The following HOMER2 variants were observed in gnomAD, a reference collection of about 807,000 sequenced individuals.
The protein encoded by HOMER2 is homer scaffold protein 2.
In HOMER2, 27 loss-of-function variants were observed where a neutral mutation model predicts 47.0. The observed-to-expected ratio is 0.57, with a 90% confidence interval of 0.42 to 0.79. The LOEUF (loss-of-function observed/expected upper bound fraction) is 0.79. Ranked by LOEUF, HOMER2 falls within the 30% of genes least tolerant of loss-of-function variation. HOMER2 has a pLI of 0.00. For missense variants in HOMER2, 443 were observed against 435.0 expected, an observed-to-expected ratio of 1.02 and a Z score of -0.16; for synonymous variants, 161 against 163.8, an observed-to-expected ratio of 0.98 and a Z score of 0.13.
rs372698417 is a variant in HOMER2 at position 82,854,811 on chromosome 15, G to A, written c.495-11C>T. ...TTCACGTTGGCTGCGCTGCAGGACA[G>A]GGACGGGCGGTGACGACGGGGTGGG... On this transcript the variant is annotated splice_polypyrimidine_tract_variant and intron_variant, in intron 5 of 8. Transcript: ENST00000450735. 5 of 1,603,888 alleles carry A rather than the reference G, an allele frequency of 3.1e-6. No individual in the cohort carries two copies. The highest frequency in any genetic ancestry group is 4.2e-6 in the Non-Finnish European group (5 of 1,177,660).
chr15:82,868,177 T>G (rs1299725866), intron 3 of HOMER2, among the ~76,000 whole-genome samples: 1 of 150,652 alleles, frequency 6.6e-6, no homozygotes, highest in East Asian at 1.9e-4. Flanking sequence ...TTTTTAATGG[T>G]TTTTTTATTG....
chr15:82,872,847 G>A (rs140429379), intron 3 of HOMER2, among the ~76,000 whole-genome samples: 2,579 of 152,342 alleles, frequency 0.017, 40 homozygotes, highest in Non-Finnish European at 0.026. Flanking sequence ...TGCATGAGGA[G>A]GAACCGGGAA....
chr15:82,904,694 A>G (rs908494441), intron 1 of HOMER2, among the ~76,000 whole-genome samples: 33 of 152,272 alleles, frequency 2.2e-4, no homozygotes, highest in Admixed American at 7.2e-4. Context: ...GAGAGAAAAT[A>G]ATTGAGAAGC....
chr15:82,938,515 C>A (rs2097023779), intron 1 of HOMER2, among the ~76,000 whole-genome samples: 1 of 152,150 alleles, frequency 6.6e-6, no homozygotes, highest in South Asian at 2.1e-4. Flanking sequence ...TTGCCGCCTG[C>A]CTCCAACCTT....
At chr15:82,869,552 C>G (rs1256438) in intron 3 of HOMER2, among the ~76,000 whole-genome samples, 77,534 of 148,440 alleles carry the variant, frequency 0.52, 20,618 homozygotes, top group African/African-American at 0.63. Context: ...CTGCCTCCCG[C>G]GTTCAAGTGA....
intron 1 of HOMER2, among the ~76,000 whole-genome samples, chr15:82,976,666 G>C (rs2030213137): frequency 7.4e-6 from 1 of 134,476 alleles, no homozygotes; most frequent in African/African-American, 2.8e-5. Context: ...TAGATCTTAA[G>C]ATTTGTGTGT....
At chr15:82,875,917 T>G (rs547662485) in intron 2 of HOMER2, among the ~76,000 whole-genome samples, 1 of 152,084 alleles carries the variant, frequency 6.6e-6, no homozygotes, top group African/African-American at 2.4e-5. Flanking sequence ...TTGTGGAGGG[T>G]TAATTGACAA....
At chr15:82,915,238 A>G (rs1389306269) in intron 1 of HOMER2, among the ~76,000 whole-genome samples, 1 of 152,090 alleles carries the variant, frequency 6.6e-6, no homozygotes, top group African/African-American at 2.4e-5. Context: ...AACTCTATAC[A>G]TGTAACATGG....
At chr15:82,931,082 G>A (rs1423318491) in intron 1 of HOMER2, among the ~76,000 whole-genome samples, 1 of 148,710 alleles carries the variant, frequency 6.7e-6, no homozygotes, top group African/African-American at 2.5e-5. Context: ...TAGCCTGGAC[G>A]ACAGAACAAG....
At chr15:82,918,371 C>A (rs1277343427) in intron 1 of HOMER2, among the ~76,000 whole-genome samples, 2 of 152,088 alleles carry the variant, frequency 1.3e-5, no homozygotes, top group Non-Finnish European at 2.9e-5. Context: ...AGATGCTATT[C>A]TCAGGACAGT....
At chr15:82,873,999 A>AT (rs1190635693) in intron 3 of HOMER2, among the ~76,000 whole-genome samples, 1 of 152,204 alleles carries the variant, frequency 6.6e-6, no homozygotes, top group Non-Finnish European at 1.5e-5. Context: ...ACTCACCCTA[A>AT]TTTCCCCCTC....
chr15:82,961,512 A>G (rs1165501374), intron 1 of HOMER2, among the ~76,000 whole-genome samples: 1 of 152,200 alleles, frequency 6.6e-6, no homozygotes, highest in Non-Finnish European at 1.5e-5. Flanking sequence ...TGTTCAATCT[A>G]CTTTACTCAA....
intron 6 of HOMER2, among the ~76,000 whole-genome samples, chr15:82,854,083 G>C (rs1264734502): frequency 2.0e-5 from 3 of 152,164 alleles, no homozygotes; most frequent in Admixed American, 6.5e-5. Flanking sequence ...TCCTCAGTAA[G>C]AGGAATTATA....
intron 1 of HOMER2, among the ~76,000 whole-genome samples, chr15:82,963,038 G>A (rs1169012931): frequency 6.6e-6 from 1 of 152,138 alleles, no homozygotes; most frequent in African/African-American, 2.4e-5. Flanking sequence ...CTAGCACTTT[G>A]GGAGGCTGAG....
intron 1 of HOMER2, among the ~76,000 whole-genome samples, chr15:82,924,120 G>C (rs996036327): frequency 6.6e-6 from 1 of 152,174 alleles, no homozygotes; most frequent in Non-Finnish European, 1.5e-5. Flanking sequence ...AAGGTACGGA[G>C]TATTGGTAGG....
intron 1 of HOMER2, among the ~76,000 whole-genome samples, chr15:82,982,631 G>A (rs2030432589): frequency 6.6e-6 from 1 of 152,098 alleles, no homozygotes; most frequent in Admixed American, 6.5e-5. Context: ...TTTTGGATTT[G>A]GGGACATTTT....
intron 1 of HOMER2, among the ~76,000 whole-genome samples, chr15:82,947,721 G>A (rs2054412423): frequency 6.6e-6 from 1 of 152,142 alleles, no homozygotes; most frequent in Non-Finnish European, 1.5e-5. Context: ...CTATATAAAA[G>A]TTAACCCAAA....
intron 1 of HOMER2, among the ~76,000 whole-genome samples, chr15:82,899,224 C>G (rs1003702803): frequency 6.6e-6 from 1 of 152,276 alleles, no homozygotes; most frequent in Non-Finnish European, 1.5e-5. Context: ...CACATCCCAG[C>G]CAATGCATGT....
intron 1 of HOMER2, among the ~76,000 whole-genome samples, chr15:82,985,307 G>A (rs1433495533): frequency 6.6e-6 from 1 of 152,178 alleles, no homozygotes; most frequent in African/African-American, 2.4e-5. Flanking sequence ...GATCACGGTG[G>A]TGCTTGAAGA....
Sources: allele counts gnomAD v4.1 joint callset (sites outside exome capture counted in the v4.1 genomes callset), GRCh38; gene constraint gnomAD v4.1.1; transcripts MANE v1.5; gene names NCBI Gene and HGNC (gene_info 2026-07-23, HGNC 2026-07-21).